The following SNX30 variants were observed in gnomAD, a reference collection of about 807,000 sequenced individuals.
SNX30 encodes the protein sorting nexin-30.
Under a neutral mutation model 46.4 loss-of-function variants are expected in SNX30, and 24 were observed. The observed-to-expected ratio is 0.52, with a 90% CI of 0.37 to 0.73. The LOEUF (loss-of-function observed/expected upper bound fraction) is 0.73, where lower values mean the gene tolerates loss of function less well. Ranked by LOEUF, SNX30 falls within the 30% of genes least tolerant of loss-of-function variation. The pLI is 0.00. For synonymous variants in SNX30, 189 were observed against 211.5 expected, an observed-to-expected ratio of 0.89 and a Z score of 0.92; for missense variants, 533 against 555.7, an observed-to-expected ratio of 0.96 and a Z score of 0.41.
At position 112,836,226 on chromosome 9, in the gene SNX30, T is replaced by C. The variant is rs958862201; in HGVS notation, c.631T>C (p.Tyr211His). The C allele has an allele frequency of 1.3e-6, 2 of 1,593,788 alleles. No homozygotes were observed. The highest frequency in any genetic ancestry group is 1.7e-5 in the Admixed American group (1 of 59,738). ...ATATCATCCTCAGGACCTGAACGCC[T>C]ACAAGAAGCAAGGGATAGCATTGCT... ...IFLTAKDLNA[Y>H]KKQGIALLTR... The change falls in exon 5 of 9, where the codon TAC becomes CAC. Residue 211 changes from tyrosine to histidine, a missense_variant. Transcript: ENST00000374232.
intron 3 of SNX30, among the ~76,000 whole-genome samples, chr9:112,829,114 A>G (rs371499636): frequency 2.6e-5 from 4 of 152,290 alleles, no homozygotes; most frequent in South Asian, 4.1e-4. Context: ...CTATTAGTCC[A>G]TTGCATGGAT....
At chr9:112,851,157 AT>A (rs1841018915) in intron 7 of SNX30, among the ~76,000 whole-genome samples, 1 of 151,996 alleles carries the variant, frequency 6.6e-6, no homozygotes, top group African/African-American at 2.4e-5. Flanking sequence ...CCTGGGCCTA[AT>A]TTTTGGTTTT....
chr9:112,780,948 T>A (rs1475471330), intron 1 of SNX30, among the ~76,000 whole-genome samples: 1 of 152,174 alleles, frequency 6.6e-6, no homozygotes, highest in Non-Finnish European at 1.5e-5. Flanking sequence ...TTATCAACAT[T>A]TTCTCTTTAG....
chr9:112,881,026 C>G (rs983767935), intron 5 of SNX30, among the ~76,000 whole-genome samples: 3 of 152,184 alleles, frequency 2.0e-5, no homozygotes, highest in African/African-American at 7.2e-5. Context: ...CAAGATTAAG[C>G]CTTTGCTAAT....
upstream of SNX30, among the ~76,000 whole-genome samples, chr9:112,750,634 C>G (rs898573050): frequency 1.3e-5 from 2 of 151,872 alleles, no homozygotes; most frequent in Admixed American, 6.6e-5. Context: ...CCTCCTCCCT[C>G]CCTCCCTCCG....
downstream of SNX30, chr9:112,885,151 CA>C (rs1051127147): frequency 2.1e-4 from 32 of 152,242 alleles, no homozygotes; most frequent in African/African-American, 7.5e-4. Context: ...TTATTTTTCT[CA>C]ATTATGAAAT....
In SNX30 at chr9:112,769,722, A is replaced by G. The variant is rs544331827; in HGVS notation, c.156+18565A>G. Among the ~76,000 whole-genome samples the G allele has an allele frequency of 3.6e-3, 542 of 150,822 alleles. 1 individual carries two copies. Among genetic ancestry groups the G allele is most frequent in the Middle Eastern group, 0.017 (5 of 292 alleles). Reference sequence around the variant, plus strand: ...TTCATCTGCATGGTGTCCCTAAGCAATCTCATCCAGCCTCACACATCTACA... The same window carrying G: ...TTCATCTGCATGGTGTCCCTAAGCAGTCTCATCCAGCCTCACACATCTACA... On this transcript the variant is annotated intron_variant, in intron 1 of 8. Coordinates refer to ENST00000374232, the MANE Select transcript of SNX30 (RefSeq NM_001012994.2).
Position 112,864,151 on chromosome 9 carries a change from G to C in SNX30, c.1102-96G>C, listed in dbSNP as rs1841280978. 7.7e-6 allele frequency: 10 copies of C among 1,302,350 alleles called. No homozygotes were observed. The East Asian group carries it at 2.4e-4, about 31-fold the overall frequency. 80.7% of individuals were successfully genotyped at this position (1,302,350 alleles called of 1,614,324 possible). On this transcript the variant is annotated intron_variant, in intron 7 of 8. Coordinates refer to ENST00000374232, the MANE Select transcript of SNX30 (RefSeq NM_001012994.2). ...AGCGTGTTGATAGCATTTTAATGTAGGGCTTTGGCCTTTGACAAATGTGTG... is the reference window on the plus strand; with the variant it reads ...AGCGTGTTGATAGCATTTTAATGTACGGCTTTGGCCTTTGACAAATGTGTG...
Position 112,873,673 on chromosome 9 carries a change from T to A in SNX30, c.*4830T>A, listed in dbSNP as rs1279934477. ...TTTTAAGTGTGAAAGATTAGTGCCT[T>A]TTGGCATACTTTTGATTTTAGAGGA... On this transcript the variant is annotated 3_prime_UTR_variant, in exon 9 of 9. Transcript: ENST00000374232. The A allele has an allele frequency of 6.6e-6, 1 of 152,178 alleles. No homozygotes were observed. Among genetic ancestry groups the A allele is most frequent in the Non-Finnish European group, 1.5e-5 (1 of 68,030 alleles). The allele number at this position is 152,178 out of a possible 1,614,324, so 9.4% of individuals were successfully genotyped here.
At chr9:112,825,877 G>A (rs535783749) in intron 3 of SNX30, among the ~76,000 whole-genome samples, 4 of 152,086 alleles carry the variant, frequency 2.6e-5, no homozygotes, top group Admixed American at 6.6e-5. Flanking sequence ...GGTGTGTCCC[G>A]TAAGGAATCT....
intron 3 of SNX30, among the ~76,000 whole-genome samples, chr9:112,821,026 T>TG (rs944530807): frequency 2.2e-4 from 33 of 151,970 alleles, no homozygotes; most frequent in South Asian, 1.0e-3. Flanking sequence ...GTTCCCATTT[T>TG]GGGGGGGGTG....
At chr9:112,820,014 G>A (rs111515864) in intron 3 of SNX30, among the ~76,000 whole-genome samples, 243 of 152,286 alleles carry the variant, frequency 1.6e-3, no homozygotes, top group African/African-American at 5.5e-3. Context: ...CTGCCCTCCT[G>A]GCAGCTGGTG....
At chr9:112,751,630 A>G (rs986744839) in intron 1 of SNX30, among the ~76,000 whole-genome samples, 1 of 152,116 alleles carries the variant, frequency 6.6e-6, no homozygotes, top group Admixed American at 6.5e-5. Flanking sequence ...CCCCCTAGTC[A>G]GTCATGTGGG....
chr9:112,757,978 C>T (rs897039290), intron 1 of SNX30, among the ~76,000 whole-genome samples: 2 of 152,160 alleles, frequency 1.3e-5, no homozygotes, highest in African/African-American at 4.8e-5. Flanking sequence ...ACAGACCCTC[C>T]GTCTGCACAG....
At position 112,871,549 on chromosome 9, in the gene SNX30, T is replaced by C. The variant is rs537419849; in HGVS notation, c.*2706T>C. On this transcript the variant is annotated 3_prime_UTR_variant, in exon 9 of 9. Transcript: ENST00000374232. ...ATTGTGGCCCTGAGATCAGTACTCC[T>C]CTCTTAAGTATTTATTATTATTATT... 8 of 152,124 alleles carry C rather than the reference T, an allele frequency of 5.3e-5. No individual in the cohort carries two copies. The South Asian group carries it at 1.7e-3, about 32-fold the overall frequency. 9.4% of individuals were successfully genotyped at this position (152,124 alleles called of 1,614,324 possible). A position where few individuals can be genotyped will look rare whatever the true frequency, so the allele number is the denominator to read the frequency against.
intron 1 of SNX30, among the ~76,000 whole-genome samples, chr9:112,795,790 C>CACAA (rs1840098923): frequency 6.6e-6 from 1 of 151,930 alleles, no homozygotes; most frequent in South Asian, 2.1e-4. Flanking sequence ...CACACACACA[C>CACAA]ACACACGCAC....
At chr9:112,866,889 TCCTCCCTCCTCAGAATTCCTCCTGCC>T in intron 8 of SNX30, among the ~76,000 whole-genome samples, 1 of 144,610 alleles carries the variant, frequency 6.9e-6, no homozygotes. Context: ...TCAGAACTCC[TCCTCCCTCCTCAGAATTCCTCCTGCC>T]TCCTCAGAAC....
At chr9:112,876,677 C>T (rs1163978170), downstream of SNX30, among the ~76,000 whole-genome samples, 3 of 151,872 alleles carry the variant, frequency 2.0e-5, no homozygotes, top group African/African-American at 7.3e-5. Context: ...TGGCTCATAC[C>T]TGTAATCCCA....
chr9:112,861,504 G>A (rs1484905939), intron 7 of SNX30, among the ~76,000 whole-genome samples: 1 of 152,230 alleles, frequency 6.6e-6, no homozygotes, highest in Non-Finnish European at 1.5e-5. Context: ...GGGTGTGCAA[G>A]CTAAGCTCTG....
Sources: allele counts gnomAD v4.1 joint callset (sites outside exome capture counted in the v4.1 genomes callset), GRCh38; gene constraint gnomAD v4.1.1; transcripts MANE v1.5; gene names NCBI Gene and HGNC (gene_info 2026-07-23, HGNC 2026-07-21).